The following PIR variants were observed in gnomAD, a reference collection of about 807,000 sequenced individuals.
PIR encodes pirin, also known as pirin (iron-binding nuclear protein).
Under a neutral mutation model 24.2 loss-of-function variants are expected in PIR, and 22 were observed. The observed-to-expected ratio is 0.91, with a 90% confidence interval of 0.65 to 1.30. The LOEUF (loss-of-function observed/expected upper bound fraction) is 1.30. PIR is among the 50% of genes most tolerant of loss of function. The pLI is 0.00. For missense variants in PIR, 220 were observed against 220.3 expected (o/e 1.00, Z 0.01); for synonymous variants, 80 against 79.6 (o/e 1.00, Z -0.03).
In PIR at chrX:15,431,682, G is replaced by A. The variant is rs568481787; in HGVS notation, c.481-5692C>T. On this transcript the variant is annotated intron_variant, in intron 5 of 9. Coordinates refer to ENST00000380420, the MANE Select transcript of PIR (RefSeq NM_001018109.3). ...GTTAAAAAATAACCACCCCCCCCCC[G>A]AAAACCTTTGGAAAATGGACAAAAA... Among the ~76,000 whole-genome samples, 26 of 57,904 alleles carry A rather than the reference G, an allele frequency of 4.5e-4. No homozygotes were observed. In the South Asian group the frequency reaches 0.014, roughly 30 times the overall value. The allele number at this position is 57,904 out of a possible 115,157, so 50.3% of individuals were successfully genotyped here. A position where few individuals can be genotyped will look rare whatever the true frequency, so the allele number is the denominator to read the frequency against.
At chrX:15,483,240 G>A (rs1449332625) in intron 2 of PIR, among the ~76,000 whole-genome samples, 1 of 107,364 alleles carries the variant, frequency 9.3e-6, no homozygotes. Context: ...TTGAAAATGT[G>A]GACTGCAACC....
chrX:15,467,297 T>C (rs767762055), intron 3 of PIR, among the ~76,000 whole-genome samples: 6 of 112,448 alleles, frequency 5.3e-5, no homozygotes, highest in Non-Finnish European at 7.5e-5. Context: ...AGAATAAAAC[T>C]ACTTTCACTC....
Position 15,396,764 on chromosome X carries a change from C to T in PIR, c.693+685G>A, listed in dbSNP as rs1375838729. 2.4e-3 allele frequency among the ~76,000 whole-genome samples: 178 copies of T among 75,647 alleles called. 1 individual carries two copies. Among genetic ancestry groups the T allele is most frequent in the African/African-American group, 5.7e-3 (129 of 22,679 alleles). The allele number at this position is 75,647 out of a possible 115,157, so 65.7% of individuals were successfully genotyped here. On this transcript the variant is annotated intron_variant, in intron 8 of 9. Coordinates refer to ENST00000380420, the MANE Select transcript of PIR (RefSeq NM_001018109.3). The stretch of plus-strand genomic sequence containing the variant: ...GATTCTTTTTTTTTTTTTTTTGAGA[C>T]GGAGTCTCACTGTGTTGCCCAGCTG...
At chrX:15,490,905 C>G (rs920181385) in intron 2 of PIR, among the ~76,000 whole-genome samples, 1 of 112,087 alleles carries the variant, frequency 8.9e-6, no homozygotes, top group Non-Finnish European at 1.9e-5. Context: ...CAGGGTGGCA[C>G]ACCAGTGTGC....
chrX:15,482,352 T>C (rs1485113272), intron 2 of PIR, among the ~76,000 whole-genome samples: 13 of 112,014 alleles, frequency 1.2e-4, no homozygotes, highest in African/African-American at 4.2e-4. Flanking sequence ...GATTGCTTTA[T>C]AAAGTTTTAT....
At chrX:15,418,415 T>C (rs1201425481) in intron 6 of PIR, among the ~76,000 whole-genome samples, 2 of 112,430 alleles carry the variant, frequency 1.8e-5, no homozygotes, top group African/African-American at 6.5e-5. Context: ...GAAAGTCAGA[T>C]TGCCTTGCGC....
At position 15,399,362 on chromosome X, in the gene PIR, CCTT is replaced by C. The variant is rs199639143; in HGVS notation, c.611-1834_611-1832del. On this transcript the variant is annotated intron_variant, in intron 7 of 9. Coordinates refer to ENST00000380420, the MANE Select transcript of PIR (RefSeq NM_001018109.3). ...AAACAACTATATTTTCTAGAGAAGA[CCTT>C]CTCACCTCCACTTTGGAAATAACCA... Among the ~76,000 whole-genome samples the C allele has an allele frequency of 7.0e-3, 785 of 112,332 alleles. 7 individuals carry two copies. Among genetic ancestry groups the C allele is most frequent in the African/African-American group, 0.023 (724 of 30,944 alleles).
Position 15,431,671 on chromosome X carries a change from AC to A in PIR, c.481-5682del, listed in dbSNP as rs144106667. Among the ~76,000 whole-genome samples the A allele has an allele frequency of 9.2e-3, 708 of 77,228 alleles. 6 individuals carry two copies. The highest frequency in any genetic ancestry group is 0.017 in the East Asian group (37 of 2,191). The allele number at this position is 77,228 out of a possible 115,157, so 67.1% of individuals were successfully genotyped here. A position where few individuals can be genotyped will look rare whatever the true frequency, so the allele number is the denominator to read the frequency against. On this transcript the variant is annotated intron_variant, in intron 5 of 9. Transcript: ENST00000380420. The stretch of plus-strand genomic sequence containing the variant: ...AAAAGGTAAAAGTTAAAAAATAACC[AC>A]CCCCCCCCCGAAAACCTTTGGAAAA...
At chrX:15,393,220 T>A (rs1455223131) in intron 8 of PIR, among the ~76,000 whole-genome samples, 1 of 112,191 alleles carries the variant, frequency 8.9e-6, no homozygotes, top group African/African-American at 3.2e-5. Flanking sequence ...CTCTTCTGGG[T>A]TTACTTAATA....
intron 6 of PIR, among the ~76,000 whole-genome samples, chrX:15,419,661 C>T (rs374689036): frequency 1.0e-4 from 11 of 110,511 alleles, no homozygotes; most frequent in African/African-American, 3.3e-4. Flanking sequence ...TTTGGGAGGC[C>T]GAGGTGGATG....
intron 3 of PIR, among the ~76,000 whole-genome samples, chrX:15,460,531 G>GGGTA (rs898971007): frequency 3.6e-5 from 4 of 111,746 alleles, no homozygotes; most frequent in African/African-American, 9.8e-5. Context: ...CAGAGTAGAA[G>GGGTA]GGTAGCTACC....
intron 5 of PIR, among the ~76,000 whole-genome samples, chrX:15,451,865 A>C (rs368976475): frequency 5.2e-4 from 59 of 112,615 alleles, no homozygotes; most frequent in African/African-American, 1.7e-3. Context: ...AAGATTTTGT[A>C]TGGAAGTGAA....
intron 7 of PIR, among the ~76,000 whole-genome samples, chrX:15,405,694 T>C (rs1421113591): frequency 8.9e-6 from 1 of 112,360 alleles, no homozygotes; most frequent in Non-Finnish European, 1.9e-5. Context: ...CAGAAGATCA[T>C]AAAAACAAAT....
chrX:15,475,200 A>G (rs1450838813), intron 3 of PIR, among the ~76,000 whole-genome samples: 2 of 110,769 alleles, frequency 1.8e-5, no homozygotes, highest in African/African-American at 6.6e-5. Flanking sequence ...TCTCCTGGGT[A>G]TTGTTCAGGC....
intron 2 of PIR, among the ~76,000 whole-genome samples, chrX:15,489,702 A>C (rs1373731236): frequency 8.9e-6 from 1 of 112,276 alleles, no homozygotes; most frequent in African/African-American, 3.2e-5. Context: ...ATTCAGGTGT[A>C]AACAGGAAGC....
chrX:15,419,642 T>A (rs1925051460), intron 6 of PIR, among the ~76,000 whole-genome samples: 1 of 111,286 alleles, frequency 9.0e-6, no homozygotes, highest in Admixed American at 9.6e-5. Flanking sequence ...ATGCCTGTAA[T>A]CCCAGCACTT....
At chrX:15,439,986 C>T (rs995500899) in intron 5 of PIR, among the ~76,000 whole-genome samples, 2 of 107,539 alleles carry the variant, frequency 1.9e-5, no homozygotes, top group Admixed American at 9.8e-5. Flanking sequence ...ACACAAATTT[C>T]TCTCTCTCTC....
At chrX:15,385,508 TATC>T (rs1436785792) in intron 9 of PIR, among the ~76,000 whole-genome samples, 1 of 112,439 alleles carries the variant, frequency 8.9e-6, no homozygotes, top group African/African-American at 3.2e-5. Context: ...TGACAAATCT[TATC>T]ATAGCTTTGG....
chrX:15,389,991 T>A (rs1362444403), intron 9 of PIR, 194 bp downstream of exon 9: 20 of 266,151 alleles, frequency 7.5e-5, no homozygotes, highest in Non-Finnish European at 4.1e-5. Flanking sequence ...AATGTTTCTT[T>A]AAAAAAAAAG....
Sources: allele counts gnomAD v4.1 joint callset (sites outside exome capture counted in the v4.1 genomes callset), GRCh38; gene constraint gnomAD v4.1.1; transcripts MANE v1.5; gene names NCBI Gene and HGNC (gene_info 2026-07-23, HGNC 2026-07-21).